MGAT5: variants seen among roughly 807,000 people sequenced by gnomAD.
The protein encoded by MGAT5 is alpha-1,6-mannosylglycoprotein 6-beta-N-acetylglucosaminyltransferase, also known as alpha-1,6-mannosylglycoprotein 6-beta-N-acetylglucosaminyltransferase A.
A neutral mutation model predicts 94.3 loss-of-function variants in MGAT5; 30 were observed. The observed-to-expected ratio is 0.32, with a 90% CI of 0.24 to 0.43. The LOEUF (loss-of-function observed/expected upper bound fraction) is 0.43. Among genes scored for constraint, MGAT5 ranks in the 20% least tolerant of loss-of-function variants. The pLI is 1.00. For synonymous variants in MGAT5, 310 were observed against 322.9 expected, an observed-to-expected ratio of 0.96 and a Z score of 0.43; for missense variants, 691 against 905.5, an observed-to-expected ratio of 0.76 and a Z score of 3.04.
chr2:134,203,627 C>T (rs984866988), intron 1 of MGAT5, among the ~76,000 whole-genome samples: 1 of 152,036 alleles, frequency 6.6e-6, no homozygotes, highest in African/African-American at 2.4e-5. Flanking sequence ...ATACACAACT[C>T]CTTGGTGCTT....
chr2:134,303,346 A>AT (rs1255083824), intron 2 of MGAT5, among the ~76,000 whole-genome samples: 1 of 152,078 alleles, frequency 6.6e-6, no homozygotes, highest in Non-Finnish European at 1.5e-5. Flanking sequence ...ATAATTCTTT[A>AT]TTATGTATTG....
chr2:134,141,415 A>C (rs1490159282), intron 1 of MGAT5, among the ~76,000 whole-genome samples: 1 of 149,382 alleles, frequency 6.7e-6, no homozygotes, highest in Admixed American at 6.8e-5. Context: ...TGCTTAGCCT[A>C]ATGTAGGCTC....
At chr2:134,196,694 G>T (rs1231953243) in intron 1 of MGAT5, among the ~76,000 whole-genome samples, 3 of 152,250 alleles carry the variant, frequency 2.0e-5, no homozygotes, top group African/African-American at 7.2e-5. Context: ...TGTGGCCCAG[G>T]ACGGCTTTGA....
chr2:134,123,793 GA>G, intron 1 of MGAT5, among the ~76,000 whole-genome samples: 1 of 152,278 alleles, frequency 6.6e-6, no homozygotes, highest in South Asian at 2.1e-4. Flanking sequence ...TATACGGGGG[GA>G]TTGCTATCTG....
intron 2 of MGAT5, among the ~76,000 whole-genome samples, chr2:134,293,657 A>G (rs1263868046): frequency 6.6e-6 from 1 of 152,058 alleles, no homozygotes. Context: ...TTTCGTAGAG[A>G]TGAGATTTCA....
At chr2:134,187,479 C>A (rs1053259272) in intron 1 of MGAT5, among the ~76,000 whole-genome samples, 7 of 152,204 alleles carry the variant, frequency 4.6e-5, no homozygotes, top group Admixed American at 3.9e-4. Flanking sequence ...TTATTTCACT[C>A]CAGCCACACA....
chr2:134,438,533 AGC>A (rs1685299817), intron 14 of MGAT5, among the ~76,000 whole-genome samples: 2 of 152,228 alleles, frequency 1.3e-5, no homozygotes, highest in African/African-American at 4.8e-5. Flanking sequence ...GTCAAAGGCC[AGC>A]CAGCAGGTTT....
intron 4 of MGAT5, among the ~76,000 whole-genome samples, chr2:134,334,885 G>A (rs1423657787): frequency 6.6e-6 from 1 of 152,052 alleles, no homozygotes; most frequent in African/African-American, 2.4e-5. Context: ...AGCTTTCCTT[G>A]TGGGGAATCC....
chr2:134,326,306 A>T (rs796157521), intron 4 of MGAT5, among the ~76,000 whole-genome samples: 16 of 152,122 alleles, frequency 1.1e-4, no homozygotes, highest in African/African-American at 3.4e-4. Flanking sequence ...TAATGGATTA[A>T]AACATTTGAA....
intron 2 of MGAT5, among the ~76,000 whole-genome samples, chr2:134,310,577 A>G (rs922247748): frequency 5.9e-5 from 9 of 152,224 alleles, no homozygotes; most frequent in African/African-American, 2.2e-4. Flanking sequence ...CTGGGGGTCC[A>G]TGAGTGAGTC....
chr2:134,280,197 G>A (rs1288277012), intron 2 of MGAT5, among the ~76,000 whole-genome samples: 1 of 152,142 alleles, frequency 6.6e-6, no homozygotes, highest in East Asian at 1.9e-4. Flanking sequence ...GGGTGAAGAT[G>A]GTTTGAAATT....
chr2:134,377,354 G>A (rs1260023398), intron 10 of MGAT5, among the ~76,000 whole-genome samples: 2 of 152,162 alleles, frequency 1.3e-5, no homozygotes, highest in Non-Finnish European at 2.9e-5. Context: ...TGAAGGGGCT[G>A]GAGCCTTTTC....
chr2:134,254,651 A>G lies in MGAT5; in HGVS notation c.241+7A>G. The G allele has an allele frequency of 6.2e-7, 1 of 1,614,130 alleles. No individual in the cohort carries two copies. The highest frequency in any genetic ancestry group is 1.7e-5 in the Admixed American group (1 of 60,026). ...GGAGTCATGACAGCTTATGGTAAGCACTGTTTCTGGGACCTCTCCATTAAA... is the reference window on the plus strand; with the variant it reads ...GGAGTCATGACAGCTTATGGTAAGCGCTGTTTCTGGGACCTCTCCATTAAA... On this transcript the variant is annotated splice_region_variant and intron_variant, in intron 1 of 15. Transcript: ENST00000281923.
intron 2 of MGAT5, among the ~76,000 whole-genome samples, chr2:134,288,671 A>G (rs553141549): frequency 3.3e-5 from 5 of 152,242 alleles, no homozygotes; most frequent in Non-Finnish European, 7.3e-5. Flanking sequence ...TGCAAAAACC[A>G]ATAAATGACA....
At chr2:134,287,526 G>A (rs1159436612) in intron 2 of MGAT5, among the ~76,000 whole-genome samples, 2 of 152,146 alleles carry the variant, frequency 1.3e-5, no homozygotes, top group Admixed American at 1.3e-4. Flanking sequence ...GTGAGGGCTG[G>A]CAGCTGCTGG....
At chr2:134,223,312 C>T (rs1217020685) in intron 1 of MGAT5, among the ~76,000 whole-genome samples, 4 of 152,098 alleles carry the variant, frequency 2.6e-5, no homozygotes, top group Admixed American at 6.6e-5. Context: ...TGTCCCTGGG[C>T]GTAGAGCAGG....
chr2:134,337,635 A>G (rs1184362899), intron 5 of MGAT5, among the ~76,000 whole-genome samples: 1 of 152,204 alleles, frequency 6.6e-6, no homozygotes, highest in Non-Finnish European at 1.5e-5. Flanking sequence ...TATATTATCC[A>G]GAGCATTAGG....
chr2:134,428,492 G>A, intron 14 of MGAT5, 53 bp downstream of exon 14: 9 of 1,494,648 alleles, frequency 6.0e-6, no homozygotes, highest in Non-Finnish European at 8.4e-6. Flanking sequence ...TTCCTGTGAC[G>A]CCATAGGGCT....
At chr2:134,178,686 C>T (rs914910089) in intron 1 of MGAT5, among the ~76,000 whole-genome samples, 2 of 152,148 alleles carry the variant, frequency 1.3e-5, no homozygotes, top group South Asian at 2.1e-4. Flanking sequence ...GAAGATAAGT[C>T]GAGGAGTAAG....
Sources: allele counts gnomAD v4.1 joint callset (sites outside exome capture counted in the v4.1 genomes callset), GRCh38; gene constraint gnomAD v4.1.1; transcripts MANE v1.5; gene names NCBI Gene and HGNC (gene_info 2026-07-23, HGNC 2026-07-21).